Variants in CNTNAP5 observed in about 807,000 individuals in gnomAD.
CNTNAP5 encodes the protein contactin associated protein family member 5, also known as contactin-associated protein-like 5.
CNTNAP5 carries 72 observed loss-of-function variants against 150.2 expected under a neutral mutation model. That is an observed-to-expected ratio of 0.48 (90% confidence interval 0.40 to 0.58). The LOEUF (loss-of-function observed/expected upper bound fraction) is 0.58, where lower values mean the gene tolerates loss of function less well. CNTNAP5 is among the 20% of genes least tolerant of loss of function. The pLI, the probability that CNTNAP5 is intolerant of heterozygous loss-of-function variation, is 0.00. For synonymous variants in CNTNAP5, 672 were observed against 619.8 expected (o/e 1.08, Z -1.25); for missense variants, 1,636 against 1,626.2 (o/e 1.01, Z -0.10).
At chr2:124,632,904 A>G (rs560359194) in intron 12 of CNTNAP5, among the ~76,000 whole-genome samples, 4 of 152,122 alleles carry the variant, frequency 2.6e-5, no homozygotes, top group African/African-American at 9.6e-5. Flanking sequence ...AAGCTGGGGG[A>G]AGAGAGGCAG....
At chr2:124,371,927 G>T (rs573198602) in intron 3 of CNTNAP5, among the ~76,000 whole-genome samples, 1 of 152,070 alleles carries the variant, frequency 6.6e-6, no homozygotes, top group East Asian at 1.9e-4. Context: ...ATCTTGACTC[G>T]ATTGAGGGAT....
intron 20 of CNTNAP5, among the ~76,000 whole-genome samples, chr2:124,869,234 A>G (rs2104724702): frequency 6.6e-6 from 1 of 152,256 alleles, no homozygotes; most frequent in Non-Finnish European, 1.5e-5. Context: ...CCAGGTCAGA[A>G]TTATGGGACA....
chr2:124,591,581 T>C (rs865938272), intron 11 of CNTNAP5, among the ~76,000 whole-genome samples: 9 of 152,190 alleles, frequency 5.9e-5, no homozygotes, highest in African/African-American at 2.2e-4. Context: ...TTAGTCTTGA[T>C]GAACATACAT....
chr2:124,421,432 A>G (rs993070795), intron 4 of CNTNAP5, among the ~76,000 whole-genome samples: 3 of 152,170 alleles, frequency 2.0e-5, no homozygotes, highest in Non-Finnish European at 4.4e-5. Flanking sequence ...TTCCTTCTCT[A>G]TAACTTCAAG....
chr2:124,357,565 T>A (rs1264294083), intron 3 of CNTNAP5, among the ~76,000 whole-genome samples: 1 of 151,504 alleles, frequency 6.6e-6, no homozygotes, highest in Admixed American at 6.6e-5. Context: ...AAATAGGGAA[T>A]CCTTTCCCCA....
chr2:124,079,307 C>A (rs1240111022), intron 1 of CNTNAP5, among the ~76,000 whole-genome samples: 2 of 152,178 alleles, frequency 1.3e-5, no homozygotes, highest in Non-Finnish European at 2.9e-5. Flanking sequence ...CCATGTTCTT[C>A]CCATCACACC....
intron 1 of CNTNAP5, among the ~76,000 whole-genome samples, chr2:124,046,007 G>A (rs1031970045): frequency 6.6e-6 from 1 of 152,108 alleles, no homozygotes; most frequent in Non-Finnish European, 1.5e-5. Flanking sequence ...TTTCCAAAAC[G>A]CATCCATGAC....
intron 1 of CNTNAP5, among the ~76,000 whole-genome samples, chr2:124,067,256 A>T (rs1014301564): frequency 3.3e-5 from 5 of 152,176 alleles, no homozygotes; most frequent in African/African-American, 1.2e-4. Flanking sequence ...TTATTCTCTC[A>T]TAGTTCTGGA....
chr2:124,763,811 A>G lies in CNTNAP5; in HGVS notation c.2362+12A>G, dbSNP rs1681010166. 1.8e-5 allele frequency: 29 copies of G among 1,612,656 alleles called. No homozygotes were observed. Among genetic ancestry groups the G allele is most frequent in the Non-Finnish European group, 2.4e-5 (28 of 1,179,294 alleles). ...TTGCTATGGTGACCGTGAGTACAAA[A>G]TCGAAAGAAGCTTTCTCTCTGCATT... On this transcript the variant is annotated intron_variant, in intron 15 of 23. Coordinates refer to ENST00000682447, the MANE Select transcript of CNTNAP5 (RefSeq NM_001367498.1).
At chr2:124,911,686 C>T (rs1678658839) in intron 23 of CNTNAP5, 148 bp downstream of exon 23, 4 of 646,806 alleles carry the variant, frequency 6.2e-6, no homozygotes, top group Admixed American at 4.8e-5. Context: ...CATGAGTAGT[C>T]CTGTGTGCTG....
At chr2:124,717,696 T>C (rs1042006383) in intron 13 of CNTNAP5, among the ~76,000 whole-genome samples, 16 of 152,284 alleles carry the variant, frequency 1.1e-4, no homozygotes, top group African/African-American at 3.9e-4. Context: ...AGGCAGAATA[T>C]TGGGAAATCT....
At chr2:124,348,769 T>C (rs568256099) in intron 3 of CNTNAP5, among the ~76,000 whole-genome samples, 1 of 152,260 alleles carries the variant, frequency 6.6e-6, no homozygotes, top group African/African-American at 2.4e-5. Flanking sequence ...CAATATTATA[T>C]TTTATGTCTC....
At chr2:124,447,036 C>A in intron 6 of CNTNAP5, 99 bp downstream of exon 6, 1 of 1,156,692 alleles carries the variant, frequency 8.6e-7, no homozygotes, top group Non-Finnish European at 1.3e-6. Context: ...TGGTGGGGCA[C>A]TGAGGAGTCT....
chr2:124,213,597 T>C (rs1686077633), intron 1 of CNTNAP5, among the ~76,000 whole-genome samples: 2 of 152,206 alleles, frequency 1.3e-5, no homozygotes, highest in Admixed American at 1.3e-4. Flanking sequence ...TTGTCACATA[T>C]GAGGGGCTCA....
At chr2:124,686,859 G>A (rs1354002820) in intron 13 of CNTNAP5, among the ~76,000 whole-genome samples, 2 of 152,062 alleles carry the variant, frequency 1.3e-5, no homozygotes, top group African/African-American at 2.4e-5. Context: ...ATTGACTTCC[G>A]ATACAAGTTT....
intron 11 of CNTNAP5, among the ~76,000 whole-genome samples, chr2:124,578,227 G>A (rs1338606046): frequency 1.3e-5 from 2 of 151,136 alleles, no homozygotes; most frequent in African/African-American, 4.9e-5. Context: ...CTACCTGGGA[G>A]GCTGAGACAG....
intron 19 of CNTNAP5, among the ~76,000 whole-genome samples, chr2:124,798,626 G>A (rs1265794170): frequency 6.6e-6 from 1 of 152,180 alleles, no homozygotes; most frequent in Admixed American, 6.5e-5. Context: ...AACATCATAA[G>A]CATATCCGAA....
chr2:124,829,753 A>C (rs1352647083), intron 19 of CNTNAP5, among the ~76,000 whole-genome samples: 1 of 151,944 alleles, frequency 6.6e-6, no homozygotes, highest in African/African-American at 2.4e-5. Flanking sequence ...TTTTTAGAGA[A>C]TACTTCAAAA....
intron 5 of CNTNAP5, among the ~76,000 whole-genome samples, chr2:124,437,859 G>C (rs1426673178): frequency 6.6e-6 from 1 of 152,088 alleles, no homozygotes; most frequent in African/African-American, 2.4e-5. Flanking sequence ...AAAGGAGAGA[G>C]TTTTGGTTTT....
Sources: allele counts gnomAD v4.1 joint callset (sites outside exome capture counted in the v4.1 genomes callset), GRCh38; gene constraint gnomAD v4.1.1; transcripts MANE v1.5; gene names NCBI Gene and HGNC (gene_info 2026-07-23, HGNC 2026-07-21).